CATSPERB: variants seen among roughly 807,000 people sequenced by gnomAD.
CATSPERB encodes cation channel sperm-associated auxiliary subunit beta.
In CATSPERB, 93 loss-of-function variants were observed where a neutral mutation model predicts 128.3. That is an observed-to-expected ratio of 0.72 (90% CI 0.61 to 0.86). The LOEUF is 0.86. Among genes scored for constraint, CATSPERB ranks in the 40% least tolerant of loss-of-function variants. The pLI, the probability that CATSPERB is intolerant of heterozygous loss-of-function variation, is 0.00. For missense variants in CATSPERB, 1,153 were observed against 1,329.5 expected, an observed-to-expected ratio of 0.87 and a Z score of 2.06; for synonymous variants, 381 against 448.8, an observed-to-expected ratio of 0.85 and a Z score of 1.91.
At chr14:91,676,397 C>T (rs932263132) in intron 11 of CATSPERB, among the ~76,000 whole-genome samples, 3 of 152,050 alleles carry the variant, frequency 2.0e-5, no homozygotes, top group Admixed American at 6.5e-5. Flanking sequence ...TCCAGCTGGT[C>T]ACATATTATG....
chr14:91,704,734 G>C (rs1895708918), intron 6 of CATSPERB, 33 bp from the exon 7 acceptor site: 1 of 1,599,122 alleles, frequency 6.3e-7, no homozygotes, highest in Non-Finnish European at 8.5e-7. Flanking sequence ...TTTAAATTGT[G>C]GGAGCACCCT....
intron 7 of CATSPERB, among the ~76,000 whole-genome samples, chr14:91,696,426 A>G (rs1895562672): frequency 6.6e-6 from 1 of 152,202 alleles, no homozygotes; most frequent in South Asian, 2.1e-4. Context: ...ATGGGCATAA[A>G]AGACTGGCTG....
intron 7 of CATSPERB, among the ~76,000 whole-genome samples, chr14:91,696,274 A>G (rs1895560066): frequency 6.6e-6 from 1 of 152,244 alleles, no homozygotes; most frequent in South Asian, 2.1e-4. Flanking sequence ...TCACACCAAA[A>G]AGGAGCCCTC....
chr14:91,617,487 G>A, intron 20 of CATSPERB, 110 bp downstream of exon 20: 1 of 713,874 alleles, frequency 1.4e-6, no homozygotes. Context: ...TCTTATGTGT[G>A]TATTTATAAA....
intron 22 of CATSPERB, chr14:91,604,300 G>A (rs1893660899): frequency 1.4e-6 from 1 of 715,000 alleles, no homozygotes; most frequent in South Asian, 1.6e-5. Context: ...CAGAACATGT[G>A]GTTTCCAAAC....
chr14:91,668,448 T>C (rs1311775008), intron 14 of CATSPERB, among the ~76,000 whole-genome samples: 1 of 152,016 alleles, frequency 6.6e-6, no homozygotes, highest in Admixed American at 6.5e-5. Flanking sequence ...ATCAGCACTC[T>C]GTAAAATGGA....
At chr14:91,676,159 T>C (rs1895190207) in intron 11 of CATSPERB, among the ~76,000 whole-genome samples, 2 of 152,196 alleles carry the variant, frequency 1.3e-5, no homozygotes, top group Admixed American at 1.3e-4. Flanking sequence ...GGAAATTAAT[T>C]CTTTTACATG....
intron 15 of CATSPERB, among the ~76,000 whole-genome samples, chr14:91,651,209 G>A (rs933126722): frequency 6.6e-6 from 1 of 152,208 alleles, no homozygotes; most frequent in African/African-American, 2.4e-5. Flanking sequence ...GGAGACAGAA[G>A]TTAAGGTAGT....
intron 20 of CATSPERB, among the ~76,000 whole-genome samples, chr14:91,613,811 T>C (rs1254310647): frequency 6.6e-6 from 1 of 152,180 alleles, no homozygotes; most frequent in Non-Finnish European, 1.5e-5. Flanking sequence ...TTGCTCATTA[T>C]AATACTAAAA....
Position 91,624,913 on chromosome 14 carries a change from C to A in CATSPERB, c.1837G>T (p.Gly613Ter). The change falls in exon 18 of 27, where the codon GGA becomes TGA. Residue 613 changes from glycine to a stop codon, truncating the protein, a stop_gained. Coordinates refer to ENST00000256343, the MANE Select transcript of CATSPERB (RefSeq NM_024764.4). LOFTEE classifies it high-confidence loss of function. ...SVIAEMKEPF[G>*]LEEVNESSCL... ...GAGCTCTCATTCACTTCTTCTAATC[C>A]AAAGGGCTCTTTCATTTCTGCAATA... The A allele has an allele frequency of 5.0e-6, 8 of 1,613,170 alleles. No homozygotes were observed. Among genetic ancestry groups the A allele is most frequent in the Non-Finnish European group, 6.8e-6 (8 of 1,179,650 alleles).
chr14:91,592,183 GC>G (rs1482418781), intron 22 of CATSPERB, 181 bp from the exon 23 acceptor site: 4 of 595,924 alleles, frequency 6.7e-6, no homozygotes, highest in African/African-American at 3.7e-5. Context: ...AATTTTAGTT[GC>G]CCCCTTGCTT....
At chr14:91,678,148 G>T (rs1267252823) in intron 11 of CATSPERB, among the ~76,000 whole-genome samples, 1 of 152,102 alleles carries the variant, frequency 6.6e-6, no homozygotes, top group Admixed American at 6.6e-5. Flanking sequence ...AAACCTAGAT[G>T]ACAGTTGAAA....
At chr14:91,720,345 A>G (rs1896008811) in intron 4 of CATSPERB, among the ~76,000 whole-genome samples, 2 of 151,276 alleles carry the variant, frequency 1.3e-5, no homozygotes, top group Admixed American at 1.3e-4. Flanking sequence ...ATTTCAGTTG[A>G]CCACTAAAAA....
intron 11 of CATSPERB, among the ~76,000 whole-genome samples, chr14:91,682,127 G>T (rs1895292197): frequency 1.3e-5 from 2 of 152,150 alleles, no homozygotes; most frequent in South Asian, 4.1e-4. Context: ...GCTTGCCGTG[G>T]TGCGTGCAAG....
rs117607132 is a variant in CATSPERB at position 91,668,039 on chromosome 14, C to T, written c.1287+1775G>A. On this transcript the variant is annotated intron_variant, in intron 14 of 26. Coordinates refer to ENST00000256343, the MANE Select transcript of CATSPERB (RefSeq NM_024764.4). ...ACCTGGACTGACCCACTGGCCCTTT[C>T]GCTGGCCTAAAGAGTTCCCCTCTGG... is the stretch of plus-strand genomic sequence containing the variant. 7.0e-3 allele frequency among the ~76,000 whole-genome samples: 1,067 copies of T among 152,336 alleles called. 10 individuals carry two copies. The highest frequency in any genetic ancestry group is 0.014 in the Middle Eastern group (4 of 294).
intron 7 of CATSPERB, among the ~76,000 whole-genome samples, chr14:91,696,509 T>A (rs559055889): frequency 6.6e-6 from 1 of 151,974 alleles, no homozygotes; most frequent in South Asian, 2.1e-4. Context: ...GAAACCAGAG[T>A]CTGATTTGTA....
intron 20 of CATSPERB, among the ~76,000 whole-genome samples, chr14:91,611,633 CA>C: frequency 6.6e-6 from 1 of 151,740 alleles, no homozygotes; most frequent in Non-Finnish European, 1.5e-5. Flanking sequence ...ACAAAAAAAC[CA>C]AAACCAAAAA....
chr14:91,605,034 G>C (rs1264170077), intron 22 of CATSPERB: 1 of 1,188,258 alleles, frequency 8.4e-7, no homozygotes, highest in Non-Finnish European at 1.3e-6. Flanking sequence ...CTGGTCTTCT[G>C]TTTCTTGAAT....
chr14:91,658,042 C>T (rs981060315), intron 15 of CATSPERB, among the ~76,000 whole-genome samples: 1 of 151,948 alleles, frequency 6.6e-6, no homozygotes, highest in Non-Finnish European at 1.5e-5. Flanking sequence ...GGATATACCC[C>T]CCAAAAAAGA....
Sources: allele counts gnomAD v4.1 joint callset (sites outside exome capture counted in the v4.1 genomes callset), GRCh38; gene constraint gnomAD v4.1.1; transcripts MANE v1.5; gene names NCBI Gene and HGNC (gene_info 2026-07-23, HGNC 2026-07-21).